GRIK2: variants seen among roughly 807,000 people sequenced by gnomAD.
GRIK2 encodes glutamate receptor ionotropic, kainate 2.
In GRIK2, 32 loss-of-function variants were observed where a neutral mutation model predicts 100.3. The observed-to-expected ratio is 0.32, with a 90% CI of 0.24 to 0.43. The LOEUF (loss-of-function observed/expected upper bound fraction) is 0.43, where lower values mean the gene tolerates loss of function less well. GRIK2 is among the 20% of genes least tolerant of loss of function. The pLI is 1.00. For synonymous variants in GRIK2, 417 were observed against 389.4 expected (o/e 1.07, Z -0.83); for missense variants, 843 against 1,114.9 (o/e 0.76, Z 3.47).
chr6:101,837,931 G>C (rs1317047235), intron 10 of GRIK2, among the ~76,000 whole-genome samples: 1 of 152,056 alleles, frequency 6.6e-6, no homozygotes, highest in Non-Finnish European at 1.5e-5. Context: ...TTCAGGACAT[G>C]CTACCCCCAA....
chr6:101,825,432 TAAAG>T (rs1782258272), intron 10 of GRIK2, among the ~76,000 whole-genome samples: 2 of 152,126 alleles, frequency 1.3e-5, no homozygotes, highest in Non-Finnish European at 2.9e-5. Context: ...AAAGAAGAAA[TAAAG>T]AAAGTCATGA....
At chr6:101,534,576 A>C (rs1422231918) in intron 2 of GRIK2, among the ~76,000 whole-genome samples, 4 of 151,850 alleles carry the variant, frequency 2.6e-5, no homozygotes, top group South Asian at 2.1e-4. Context: ...CAGATTGATG[A>C]CTATATGTAC....
intron 2 of GRIK2, among the ~76,000 whole-genome samples, chr6:101,473,018 T>A (rs865956780): frequency 6.6e-6 from 1 of 151,846 alleles, no homozygotes; most frequent in Middle Eastern, 3.4e-3. Flanking sequence ...TCTGTATGAT[T>A]TCTTATGTTG....
In GRIK2 at chr6:102,068,881, A is replaced by G. The variant is rs184342957; in HGVS notation, c.*370A>G. ...TCAATGCCCAACAGGGCAACCAATA[A>G]AAGTGTCACTAAGAATATAAATATT... On this transcript the variant is annotated 3_prime_UTR_variant, in exon 17 of 17. Coordinates refer to ENST00000369134, the MANE Select transcript of GRIK2 (RefSeq NM_021956.5). 2.3e-4 allele frequency: 40 copies of G among 174,696 alleles called. No individual in the cohort carries two copies. In the South Asian group the frequency reaches 3.2e-3, roughly 14 times the overall value. The allele number at this position is 174,696 out of a possible 1,614,324, so 10.8% of individuals were successfully genotyped here.
At chr6:101,584,002 C>T (rs1476329962) in intron 2 of GRIK2, among the ~76,000 whole-genome samples, 2 of 151,986 alleles carry the variant, frequency 1.3e-5, no homozygotes, top group African/African-American at 4.8e-5. Flanking sequence ...TACCATCTGT[C>T]ATTGAGTATT....
At chr6:101,980,597 A>G (rs931012141) in intron 14 of GRIK2, among the ~76,000 whole-genome samples, 2 of 151,876 alleles carry the variant, frequency 1.3e-5, no homozygotes, top group Non-Finnish European at 2.9e-5. Flanking sequence ...CCACCAAACT[A>G]TGCACATTTC....
At chr6:101,979,775 C>G (rs951126260) in intron 14 of GRIK2, among the ~76,000 whole-genome samples, 1 of 151,896 alleles carries the variant, frequency 6.6e-6, no homozygotes, top group African/African-American at 2.4e-5. Flanking sequence ...ATATGTTAAG[C>G]CCATAAATAT....
intron 7 of GRIK2, among the ~76,000 whole-genome samples, chr6:101,790,167 C>T (rs538398293): frequency 0.025 from 3,750 of 152,058 alleles, 161 homozygotes; most frequent in African/African-American, 0.085. Flanking sequence ...GACAATTTGA[C>T]TTCCTCTTTT....
intron 14 of GRIK2, among the ~76,000 whole-genome samples, chr6:101,975,883 T>C (rs1410981842): frequency 6.7e-6 from 1 of 150,222 alleles, no homozygotes; most frequent in East Asian, 2.0e-4. Context: ...GTCATCTATT[T>C]AATCTATTTT....
At chr6:101,569,951 CAG>C (rs1298402958) in intron 2 of GRIK2, among the ~76,000 whole-genome samples, 1 of 152,086 alleles carries the variant, frequency 6.6e-6, no homozygotes, top group Admixed American at 6.6e-5. Flanking sequence ...CTTATTGAAT[CAG>C]AGTAATCTTT....
At chr6:101,624,526 G>C (rs1047868549) in intron 3 of GRIK2, among the ~76,000 whole-genome samples, 1 of 152,064 alleles carries the variant, frequency 6.6e-6, no homozygotes, top group East Asian at 1.9e-4. Context: ...CTTAATTCAC[G>C]TATAATATTA....
At chr6:101,512,607 A>G (rs1394505360) in intron 2 of GRIK2, among the ~76,000 whole-genome samples, 2 of 152,158 alleles carry the variant, frequency 1.3e-5, no homozygotes, top group Admixed American at 1.3e-4. Flanking sequence ...AATGCTGTCA[A>G]ATATGTCAAT....
intron 2 of GRIK2, among the ~76,000 whole-genome samples, chr6:101,428,243 CTGTT>C (rs1225874159): frequency 1.3e-5 from 2 of 152,192 alleles, no homozygotes; most frequent in Non-Finnish European, 2.9e-5. Context: ...GTTGTCTACT[CTGTT>C]TGCTAGTTAG....
chr6:102,028,199 G>A (rs1718321398), intron 14 of GRIK2, among the ~76,000 whole-genome samples: 1 of 151,082 alleles, frequency 6.6e-6, no homozygotes, highest in Non-Finnish European at 1.5e-5. Flanking sequence ...TACATTGTAT[G>A]CTCTTTTTAA....
At chr6:101,896,664 C>T (rs972867604) in intron 12 of GRIK2, among the ~76,000 whole-genome samples, 2 of 151,540 alleles carry the variant, frequency 1.3e-5, no homozygotes, top group African/African-American at 4.8e-5. Flanking sequence ...CCTTCTTTGC[C>T]TCCATCACCA....
intron 2 of GRIK2, among the ~76,000 whole-genome samples, chr6:101,596,122 T>C (rs1778918197): frequency 6.6e-6 from 1 of 151,316 alleles, no homozygotes; most frequent in Non-Finnish European, 1.5e-5. Flanking sequence ...GGCATTCATA[T>C]TTTCACAAGG....
chr6:101,570,228 A>C (rs569166217), intron 2 of GRIK2, among the ~76,000 whole-genome samples: 2 of 152,172 alleles, frequency 1.3e-5, no homozygotes, highest in African/African-American at 4.8e-5. Flanking sequence ...TTACTTTTCT[A>C]TCTGGTAAAC....
Position 101,825,415 on chromosome 6 carries a change from G to A in GRIK2, c.1317+6932G>A, listed in dbSNP as rs551547817. 2.6e-4 allele frequency among the ~76,000 whole-genome samples: 39 copies of A among 152,064 alleles called. No homozygotes were observed. In the South Asian group the frequency reaches 8.1e-3, roughly 32 times the overall value. Reference sequence around the variant, plus strand: ...AGTCAAATATAAAACTATTGATGGTGGTAGAGAAAGAAGAAATAAAGAAAG... The same window carrying A: ...AGTCAAATATAAAACTATTGATGGTAGTAGAGAAAGAAGAAATAAAGAAAG... On this transcript the variant is annotated intron_variant, in intron 10 of 16. Transcript: ENST00000369134.
At chr6:101,527,794 A>G (rs893959788) in intron 2 of GRIK2, among the ~76,000 whole-genome samples, 48 of 152,298 alleles carry the variant, frequency 3.2e-4, no homozygotes, top group African/African-American at 1.1e-3. Context: ...ATAGGAAAAT[A>G]GGTGTTCTTT....
Sources: gnomAD v4.1 joint callset for allele counts (sites outside exome capture counted in the v4.1 genomes callset) on GRCh38, gnomAD v4.1.1 for gene constraint, MANE v1.5 for transcripts, NCBI Gene and HGNC (gene_info 2026-07-23, HGNC 2026-07-21) for gene names.